The following CBLB variants were observed in gnomAD, a reference collection of about 807,000 sequenced individuals.
The protein encoded by CBLB is E3 ubiquitin-protein ligase CBL-B.
Under a neutral mutation model 104.9 loss-of-function variants are expected in CBLB, and 31 were observed. That is an observed-to-expected ratio of 0.30 (90% confidence interval 0.22 to 0.40). CBLB has a LOEUF of 0.40. Among genes scored for constraint, CBLB ranks in the 10% least tolerant of loss-of-function variants. The probability of loss-of-function intolerance (pLI) is 1.00; values close to 1 mark genes in which losing one functional copy is unlikely to be tolerated. For missense variants in CBLB, 1,062 were observed against 1,214.6 expected (o/e 0.87, Z 1.87); for synonymous variants, 440 against 422.6 (o/e 1.04, Z -0.51).
At chr3:105,837,751 T>A (rs1038048599) in intron 3 of CBLB, among the ~76,000 whole-genome samples, 1 of 152,210 alleles carries the variant, frequency 6.6e-6, no homozygotes, top group Non-Finnish European at 1.5e-5. Flanking sequence ...ATAATGATAT[T>A]ACTATCCTTA....
In CBLB at chr3:105,704,037, T is replaced by C; in HGVS notation, c.1544A>G (p.Gln515Arg). 1 of 1,614,196 alleles carries C rather than the reference T, an allele frequency of 6.2e-7. No individual in the cohort carries two copies. The highest frequency in any genetic ancestry group is 8.5e-7 in the Non-Finnish European group (1 of 1,180,016). ...ACAGGGAGATCTAACTATGCCTTTC[T>C]GAATTAGATCCAGGCGAGGAGGCAC... ...PPVPPRLDLI[Q>R]KGIVRSPCGS... The change falls in exon 11 of 19, where the codon CAG becomes CGG. Residue 515 changes from glutamine to arginine, a missense_variant. Physicochemically the swap from Gln to Arg is conservative, Grantham distance 43. Around this residue, in one of 2 missense-constraint regions of CBLB, gnomAD observed 605 missense variants for 582.6 expected, o/e 1.04. Coordinates refer to ENST00000394030, the MANE Select transcript of CBLB (RefSeq NM_170662.5).
chr3:105,853,570 A>G lies in CBLB; in HGVS notation c.263T>C (p.Ile88Thr), dbSNP rs1326773323. ...LPDTYQHLRL[I>T]LSKYDDNQKL... The stretch of plus-strand genomic sequence containing the variant: ...CTGGTTGTCATCATATTTACTCAAT[A>G]TAAGTCGTAAATGCTGATATGTATC... The change falls in exon 3 of 19, where the codon ATA (isoleucine) becomes ACA (threonine). Residue 88 changes from isoleucine to threonine, a missense_variant. Coordinates refer to ENST00000394030, the MANE Select transcript of CBLB (RefSeq NM_170662.5). The G allele has an allele frequency of 5.0e-6, 8 of 1,613,178 alleles. No individual in the cohort carries two copies. Among genetic ancestry groups the G allele is most frequent in the South Asian group, 2.2e-5 (2 of 91,052 alleles).
chr3:105,719,396 A>G lies in CBLB; in HGVS notation c.1407+651T>C, dbSNP rs1187426186. 5.9e-5 allele frequency among the ~76,000 whole-genome samples: 9 copies of G among 152,202 alleles called. No individual in the cohort carries two copies. The East Asian group carries it at 1.7e-3, about 29-fold the overall frequency. Reference sequence around the variant, plus strand: ...TAGTTCTCTCTCAAACTATGATTATATCAGCCTGTCAACATTATAGTAGTT... The same window carrying G: ...TAGTTCTCTCTCAAACTATGATTATGTCAGCCTGTCAACATTATAGTAGTT... On this transcript the variant is annotated intron_variant, in intron 10 of 18. Coordinates refer to ENST00000394030, the MANE Select transcript of CBLB (RefSeq NM_170662.5).
At chr3:105,743,310 A>T (rs1423629914) in intron 6 of CBLB, among the ~76,000 whole-genome samples, 1 of 151,916 alleles carries the variant, frequency 6.6e-6, no homozygotes, top group African/African-American at 2.4e-5. Context: ...ATACAAAAAA[A>T]TTGGCAAGGC....
intron 3 of CBLB, among the ~76,000 whole-genome samples, chr3:105,778,007 G>T (rs2152967646): frequency 6.6e-6 from 1 of 152,024 alleles, no homozygotes; most frequent in African/African-American, 2.4e-5. Context: ...ATTCCCTTTT[G>T]CTCAGAATGA....
At chr3:105,662,693 T>C (rs748395654) in intron 18 of CBLB, among the ~76,000 whole-genome samples, 3 of 152,146 alleles carry the variant, frequency 2.0e-5, no homozygotes, top group Admixed American at 2.0e-4. Context: ...ATAGAAACAA[T>C]GTCTTGCACT....
chr3:105,806,662 T>C (rs1303364330), intron 3 of CBLB, among the ~76,000 whole-genome samples: 1 of 152,044 alleles, frequency 6.6e-6, no homozygotes, highest in Non-Finnish European at 1.5e-5. Context: ...TCATACCAAG[T>C]TACTTTTAAT....
chr3:105,704,168 A>G lies in CBLB; in HGVS notation c.1413T>C (p.Thr471=). The part of the protein sequence containing the change: ...MNRLANVRKC[T]DRQNSPVTSP... The stretch of plus-strand genomic sequence containing the variant: ...ATGTGACTGGTGAGTTCTGCCTGTC[A>G]GTGCACTAGAACAGAAAAAGAGAAA... Residue 471 remains threonine (T), a synonymous_variant, in exon 11 of 19, where the codon ACT becomes ACC. Coordinates refer to ENST00000394030, the MANE Select transcript of CBLB (RefSeq NM_170662.5). 1.9e-6 allele frequency: 3 copies of G among 1,614,022 alleles called. No homozygotes were observed. The highest frequency in any genetic ancestry group is 2.5e-6 in the Non-Finnish European group (3 of 1,179,900).
chr3:105,746,100 T>C (rs2076076551), intron 5 of CBLB, 62 bp from the exon 6 acceptor site: 5 of 1,096,990 alleles, frequency 4.6e-6, no homozygotes, highest in Non-Finnish European at 6.8e-6. Context: ...TTTGATTACA[T>C]ACTGAACCAT....
At chr3:105,770,820 G>T (rs983832986) in intron 4 of CBLB, among the ~76,000 whole-genome samples, 1 of 152,166 alleles carries the variant, frequency 6.6e-6, no homozygotes, top group Non-Finnish European at 1.5e-5. Flanking sequence ...GTGGGAGTGA[G>T]ATCAGCCTCA....
At chr3:105,662,191 G>T (rs565684988) in intron 18 of CBLB, among the ~76,000 whole-genome samples, 1 of 152,168 alleles carries the variant, frequency 6.6e-6, no homozygotes, top group African/African-American at 2.4e-5. Flanking sequence ...AAGCCCAGAC[G>T]CAGCCTTCAC....
At chr3:105,865,932 G>C (rs906732137) in intron 2 of CBLB, among the ~76,000 whole-genome samples, 1 of 152,144 alleles carries the variant, frequency 6.6e-6, no homozygotes, top group Non-Finnish European at 1.5e-5. Context: ...CTTTAGCAAA[G>C]ACAAGATAGG....
intron 5 of CBLB, among the ~76,000 whole-genome samples, chr3:105,750,335 T>C (rs1180337290): frequency 6.6e-6 from 1 of 152,148 alleles, no homozygotes; most frequent in Admixed American, 6.6e-5. Flanking sequence ...CATCCAATCC[T>C]TGCTAGCTAG....
chr3:105,696,241 A>G (rs560245151), intron 12 of CBLB, among the ~76,000 whole-genome samples: 1 of 151,812 alleles, frequency 6.6e-6, no homozygotes, highest in East Asian at 1.9e-4. Flanking sequence ...ATAGCAAAGG[A>G]CCTAAATGCG....
At chr3:105,819,312 C>T (rs953650134) in intron 3 of CBLB, among the ~76,000 whole-genome samples, 1 of 152,096 alleles carries the variant, frequency 6.6e-6, no homozygotes, top group African/African-American at 2.4e-5. Context: ...CACTGTAAGA[C>T]CCTGTCTCCA....
At chr3:105,845,055 C>A (rs1198987463) in intron 3 of CBLB, among the ~76,000 whole-genome samples, 1 of 152,042 alleles carries the variant, frequency 6.6e-6, no homozygotes, top group African/African-American at 2.4e-5. Flanking sequence ...ATTTTAATGT[C>A]ACCAGATATT....
intron 3 of CBLB, among the ~76,000 whole-genome samples, chr3:105,852,679 G>A (rs2091100138): frequency 6.6e-6 from 1 of 151,844 alleles, no homozygotes; most frequent in African/African-American, 2.4e-5. Context: ...CTCACTTCCA[G>A]TCTGGCAAGC....
rs563978073 is a variant in CBLB, at chr3:105,822,083, A to G, written c.419+31331T>C. On this transcript the variant is annotated intron_variant, in intron 3 of 18. Transcript: ENST00000394030. ...AGTTATTTAACCAATTGACACTATTATAAATAACTTATATTATTATTTATC... is the reference window on the plus strand; with the variant it reads ...AGTTATTTAACCAATTGACACTATTGTAAATAACTTATATTATTATTTATC... Among the ~76,000 whole-genome samples the G allele has an allele frequency of 7.9e-5, 12 of 152,162 alleles. No homozygotes were observed. In the South Asian group the frequency reaches 2.1e-3, roughly 26 times the overall value.
chr3:105,758,026 C>CAATAAT (rs1560110257), intron 4 of CBLB, among the ~76,000 whole-genome samples: 2 of 152,124 alleles, frequency 1.3e-5, no homozygotes, highest in South Asian at 2.1e-4. Context: ...ACATTATGGA[C>CAATAAT]ACAAAATATT....
Sources: gnomAD v4.1 joint callset for allele counts (sites outside exome capture counted in the v4.1 genomes callset) on GRCh38, gnomAD v4.1.1 for gene constraint, gnomAD v4.1.1 regional missense constraint, MANE v1.5 for transcripts, NCBI Gene and HGNC (gene_info 2026-07-23, HGNC 2026-07-21) for gene names.